Variants in PINX1 observed in about 807,000 individuals in gnomAD.
PINX1 encodes PIN2/TERF1-interacting telomerase inhibitor 1.
PINX1 carries 34 observed loss-of-function variants against 25.4 expected under a neutral mutation model. The observed-to-expected ratio is 1.34, with a 90% CI of 1.02 to 1.78. The LOEUF is 1.78. Ranked by LOEUF, PINX1 falls within the 40% of genes most tolerant of loss-of-function variation. The pLI is 0.00. For synonymous variants in PINX1, 197 were observed against 147.7 expected, an observed-to-expected ratio of 1.33 and a Z score of -2.42; for missense variants, 592 against 404.9, an observed-to-expected ratio of 1.46 and a Z score of -3.97.
rs970055801 is a variant in PINX1 at position 10,775,816 on chromosome 8, T to A, written c.472-9900A>T. On this transcript the variant is annotated intron_variant, in intron 6 of 6. Transcript: ENST00000314787. ...TGCAATCATTTGCAAGACAGGGAAATAGGGCTCCTCAGTAACTTTTTTCAA... is the reference window on the plus strand; with the variant it reads ...TGCAATCATTTGCAAGACAGGGAAAAAGGGCTCCTCAGTAACTTTTTTCAA... 5.3e-5 allele frequency among the ~76,000 whole-genome samples: 8 copies of A among 152,270 alleles called. No individual in the cohort carries two copies. The East Asian group carries it at 5.8e-4, about 11-fold the overall frequency.
At chr8:10,793,768 G>C (rs933079879) in intron 6 of PINX1, among the ~76,000 whole-genome samples, 2 of 151,954 alleles carry the variant, frequency 1.3e-5, no homozygotes, top group African/African-American at 2.4e-5. Flanking sequence ...TTTGCCTCAG[G>C]GATCTCTGTC....
At chr8:10,769,304 G>C (rs768748008) in intron 6 of PINX1, among the ~76,000 whole-genome samples, 4 of 152,124 alleles carry the variant, frequency 2.6e-5, no homozygotes, top group South Asian at 4.1e-4. Context: ...AGCAGGACTG[G>C]CCTAGTCTGT....
At chr8:10,778,229 T>G (rs765496824) in intron 6 of PINX1, among the ~76,000 whole-genome samples, 8 of 152,166 alleles carry the variant, frequency 5.3e-5, no homozygotes, top group Non-Finnish European at 8.8e-5. Flanking sequence ...TCATGAAAGT[T>G]CAGGTTGAGT....
intron 6 of PINX1, among the ~76,000 whole-genome samples, chr8:10,785,160 A>C (rs560446793): frequency 6.6e-6 from 1 of 152,374 alleles, no homozygotes; most frequent in South Asian, 2.1e-4. Flanking sequence ...GTTACAAAGT[A>C]GTTCCAATGG....
chr8:10,779,686 G>A (rs1358152994), intron 6 of PINX1, among the ~76,000 whole-genome samples: 4 of 152,056 alleles, frequency 2.6e-5, no homozygotes, highest in Non-Finnish European at 5.9e-5. Flanking sequence ...ACTTACTGTC[G>A]GGAAGTAAAG....
At chr8:10,827,892 C>G (rs1798106075) in intron 4 of PINX1, among the ~76,000 whole-genome samples, 1 of 125,390 alleles carries the variant, frequency 8.0e-6, no homozygotes. Context: ...GCCTGGGTGA[C>G]AGAGCGAGAC....
intron 6 of PINX1, among the ~76,000 whole-genome samples, chr8:10,780,257 C>A (rs1801542811): frequency 6.6e-6 from 1 of 152,092 alleles, no homozygotes. Context: ...CTATGTTGAA[C>A]AGAAATGGCA....
chr8:10,779,659 C>T (rs1453203778), intron 6 of PINX1, among the ~76,000 whole-genome samples: 1 of 152,046 alleles, frequency 6.6e-6, no homozygotes, highest in Admixed American at 6.6e-5. Context: ...ATTTCTGGAA[C>T]CTGTTGATTC....
At chr8:10,787,018 A>C (rs1385259360) in intron 6 of PINX1, among the ~76,000 whole-genome samples, 2 of 152,222 alleles carry the variant, frequency 1.3e-5, no homozygotes, top group Non-Finnish European at 2.9e-5. Flanking sequence ...GGTAGGCAAC[A>C]AGTATTCTGG....
intron 6 of PINX1, among the ~76,000 whole-genome samples, chr8:10,784,927 C>G (rs73662624): frequency 0.013 from 2,020 of 152,258 alleles, 54 homozygotes; most frequent in African/African-American, 0.046. Context: ...GCCCGCTGTT[C>G]GAAGACATGC....
At position 10,838,882 on chromosome 8, in the gene PINX1, C is replaced by T. The variant is rs564932199; in HGVS notation, c.19+856G>A. On this transcript the variant is annotated intron_variant, in intron 1 of 6. Transcript: ENST00000314787. ...AATCGGGATGGTGCCTGACCCATTTCGTTTTGTGCTCCTAAGTCCTCCACC... is the reference window on the plus strand; with the variant it reads ...AATCGGGATGGTGCCTGACCCATTTTGTTTTGTGCTCCTAAGTCCTCCACC... 6.6e-5 allele frequency among the ~76,000 whole-genome samples: 10 copies of T among 152,328 alleles called. No individual in the cohort carries two copies. In the South Asian group the frequency reaches 1.9e-3, roughly 28 times the overall value.
intron 1 of PINX1, among the ~76,000 whole-genome samples, chr8:10,835,305 T>C (rs1033558980): frequency 6.6e-6 from 1 of 152,242 alleles, no homozygotes; most frequent in African/African-American, 2.4e-5. Context: ...GATAGTACCA[T>C]TGTCACTGGC....
At chr8:10,776,438 TAAATAAATAAACAAACAAAC>T (rs1801397434) in intron 6 of PINX1, among the ~76,000 whole-genome samples, 1 of 139,972 alleles carries the variant, frequency 7.1e-6, no homozygotes, top group Non-Finnish European at 1.5e-5. Flanking sequence ...AATAAATAAA[TAAATAAATAAACAAACAAAC>T]AAACAAACAA....
intron 6 of PINX1, among the ~76,000 whole-genome samples, chr8:10,803,535 C>A (rs1331973407): frequency 1.3e-5 from 2 of 152,196 alleles, no homozygotes; most frequent in African/African-American, 2.4e-5. Context: ...GAAATTGGGT[C>A]AATTGTTTCG....
intron 2 of PINX1, among the ~76,000 whole-genome samples, 159 bp from the exon 3 acceptor site, chr8:10,833,143 T>C (rs1563239886): frequency 6.6e-6 from 1 of 152,160 alleles, no homozygotes; most frequent in Non-Finnish European, 1.5e-5. Flanking sequence ...GGACTCTAAG[T>C]CCTCTGCATC....
chr8:10,828,799 C>G (rs1798133504), intron 4 of PINX1, among the ~76,000 whole-genome samples: 1 of 152,118 alleles, frequency 6.6e-6, no homozygotes, highest in Non-Finnish European at 1.5e-5. Context: ...AAAGGAAAGG[C>G]ACAACTTTCC....
chr8:10,779,830 T>C (rs954508713), intron 6 of PINX1, among the ~76,000 whole-genome samples: 1 of 152,128 alleles, frequency 6.6e-6, no homozygotes, highest in South Asian at 2.1e-4. Flanking sequence ...TGAAGACCAA[T>C]CTAGGAAGAA....
intron 1 of PINX1, 94 bp downstream of exon 1, chr8:10,839,644 G>A: frequency 2.3e-6 from 3 of 1,320,522 alleles, no homozygotes; most frequent in Non-Finnish European, 3.2e-6. Context: ...AGGCGCGCCG[G>A]CAACCCGAGC....
chr8:10,817,422 G>C (rs1031462313), intron 6 of PINX1, among the ~76,000 whole-genome samples: 3 of 152,266 alleles, frequency 2.0e-5, no homozygotes, highest in Middle Eastern at 6.8e-3. Flanking sequence ...TAACTAACAA[G>C]GTTAAGGTTT....
Sources: allele counts gnomAD v4.1 joint callset (sites outside exome capture counted in the v4.1 genomes callset), GRCh38; gene constraint gnomAD v4.1.1; transcripts MANE v1.5; gene names NCBI Gene and HGNC (gene_info 2026-07-23, HGNC 2026-07-21).